LDLRAD3: variants seen among roughly 807,000 people sequenced by gnomAD.
The protein encoded by LDLRAD3 is low density lipoprotein receptor class A domain containing 3, also known as low-density lipoprotein receptor class A domain-containing protein 3.
LDLRAD3 carries 20 observed loss-of-function variants against 29.4 expected under a neutral mutation model. That is an observed-to-expected ratio of 0.68 (90% CI 0.48 to 0.99). LDLRAD3 has a LOEUF of 0.99. Among genes scored for constraint, LDLRAD3 ranks in the 50% least tolerant of loss-of-function variants. LDLRAD3 has a pLI of 0.00. For missense variants in LDLRAD3, 420 were observed against 454.3 expected, an observed-to-expected ratio of 0.92 and a Z score of 0.69; for synonymous variants, 157 against 192.7, an observed-to-expected ratio of 0.81 and a Z score of 1.53.
intron 1 of LDLRAD3, among the ~76,000 whole-genome samples, chr11:36,003,602 T>G (rs1279094492): frequency 1.3e-5 from 2 of 152,196 alleles, no homozygotes; most frequent in Admixed American, 1.3e-4. Context: ...GATTACATGA[T>G]CTCCCTTTGG....
At chr11:36,086,833 A>G (rs945639569) in intron 3 of LDLRAD3, among the ~76,000 whole-genome samples, 8 of 152,202 alleles carry the variant, frequency 5.3e-5, no homozygotes, top group African/African-American at 1.4e-4. Flanking sequence ...AGTGATATTC[A>G]GTGGGAAAGC....
intron 4 of LDLRAD3, among the ~76,000 whole-genome samples, chr11:36,118,107 T>C (rs1020901281): frequency 4.6e-5 from 7 of 152,116 alleles, no homozygotes; most frequent in African/African-American, 1.7e-4. Context: ...CATTTAATCA[T>C]AGGGTCAGGG....
intron 4 of LDLRAD3, among the ~76,000 whole-genome samples, chr11:36,147,852 C>A (rs1323082511): frequency 6.6e-6 from 1 of 151,948 alleles, no homozygotes; most frequent in Non-Finnish European, 1.5e-5. Context: ...TTCCTTTTTT[C>A]CATTAGTTGT....
intron 4 of LDLRAD3, among the ~76,000 whole-genome samples, chr11:36,169,777 G>C (rs1192022406): frequency 1.3e-5 from 2 of 152,098 alleles, no homozygotes; most frequent in Non-Finnish European, 2.9e-5. Flanking sequence ...GCATCTTTTC[G>C]GTATCCTGAT....
chr11:36,133,287 C>T (rs1053806863), intron 4 of LDLRAD3, among the ~76,000 whole-genome samples: 11 of 151,848 alleles, frequency 7.2e-5, no homozygotes, highest in Non-Finnish European at 1.6e-4. Context: ...CCTCCTGTCT[C>T]AGCCTCCCAG....
intron 1 of LDLRAD3, chr11:35,988,915 A>G (rs147520023): frequency 1.3e-5 from 2 of 152,186 alleles, no homozygotes; most frequent in African/African-American, 4.8e-5. Flanking sequence ...TTTTTGTTGC[A>G]GTTGCTTTTG....
intron 4 of LDLRAD3, among the ~76,000 whole-genome samples, chr11:36,132,322 G>C (rs1853938549): frequency 6.6e-6 from 1 of 152,140 alleles, no homozygotes; most frequent in Non-Finnish European, 1.5e-5. Context: ...TTTTGTGTGA[G>C]AGAAGAGAAA....
intron 2 of LDLRAD3, among the ~76,000 whole-genome samples, chr11:36,053,423 G>C (rs989111079): frequency 2.0e-5 from 3 of 152,222 alleles, no homozygotes; most frequent in East Asian, 1.9e-4. Context: ...AGCGCCTTAC[G>C]TGCTAATGAG....
At chr11:36,179,465 C>T (rs916147919) in intron 4 of LDLRAD3, among the ~76,000 whole-genome samples, 1 of 152,010 alleles carries the variant, frequency 6.6e-6, no homozygotes, top group Non-Finnish European at 1.5e-5. Context: ...CAGAGTGAGA[C>T]TCTGTCTCAG....
intron 4 of LDLRAD3, among the ~76,000 whole-genome samples, chr11:36,143,886 T>C (rs1041037464): frequency 6.6e-6 from 1 of 151,552 alleles, no homozygotes; most frequent in Non-Finnish European, 1.5e-5. Context: ...GCAGTCGCAT[T>C]CTAAAGTGTT....
chr11:36,024,533 A>C (rs563250742), intron 1 of LDLRAD3, among the ~76,000 whole-genome samples: 1 of 152,314 alleles, frequency 6.6e-6, no homozygotes, highest in South Asian at 2.1e-4. Context: ...TTAGAACCCA[A>C]GTCTGGCTCA....
intron 4 of LDLRAD3, among the ~76,000 whole-genome samples, chr11:36,199,940 G>C (rs770893230): frequency 6.6e-6 from 1 of 152,134 alleles, no homozygotes; most frequent in Non-Finnish European, 1.5e-5. Context: ...GCTGAGGTGG[G>C]CAGATCTCTT....
chr11:36,141,007 T>TCTCTCC (rs1294001098), intron 4 of LDLRAD3, among the ~76,000 whole-genome samples: 2 of 149,514 alleles, frequency 1.3e-5, no homozygotes, highest in African/African-American at 2.5e-5. Context: ...TCTCTCTCTC[T>TCTCTCC]CTCTCTCTCT....
intron 4 of LDLRAD3, among the ~76,000 whole-genome samples, chr11:36,151,773 C>G (rs951442258): frequency 1.3e-5 from 2 of 152,176 alleles, no homozygotes; most frequent in Non-Finnish European, 2.9e-5. Context: ...TTCTACCAAG[C>G]AGGCTAGACT....
At chr11:36,102,038 G>A (rs146178009) in intron 4 of LDLRAD3, 7,804 of 189,264 alleles carry the variant, frequency 0.041, 380 homozygotes, top group African/African-American at 0.12. Flanking sequence ...ACAGGCGCCC[G>A]CCACTACGCC....
intron 4 of LDLRAD3, among the ~76,000 whole-genome samples, chr11:36,128,715 G>T (rs899600851): frequency 6.6e-6 from 1 of 152,082 alleles, no homozygotes; most frequent in Non-Finnish European, 1.5e-5. Context: ...CTGGTGTGGT[G>T]ATAGGCACCT....
intron 4 of LDLRAD3, among the ~76,000 whole-genome samples, chr11:36,175,241 G>T (rs528481721): frequency 6.6e-6 from 1 of 152,002 alleles, no homozygotes; most frequent in South Asian, 2.1e-4. Flanking sequence ...TATTGATTTT[G>T]TTTATCTTTT....
rs569646792 is a variant in LDLRAD3 at position 36,179,369 on chromosome 11, G to A, written c.455-47716G>A. Among the ~76,000 whole-genome samples the A allele has an allele frequency of 1.7e-4, 26 of 152,296 alleles. No individual in the cohort carries two copies. The South Asian group carries it at 3.9e-3, about 23-fold the overall frequency. On this transcript the variant is annotated intron_variant, in intron 4 of 5. Transcript: ENST00000315571. ...GGTGCCTGTAATTCCAGCTACTTGA[G>A]AGGCTGAGGTAGGAGAATCACTTGA...
At chr11:36,095,590 C>T (rs949693027) in intron 3 of LDLRAD3, among the ~76,000 whole-genome samples, 8 of 152,118 alleles carry the variant, frequency 5.3e-5, no homozygotes, top group Admixed American at 5.2e-4. Context: ...CTGTGACTTG[C>T]TTTTTAAACA....
Sources: allele counts gnomAD v4.1 joint callset (sites outside exome capture counted in the v4.1 genomes callset), GRCh38; gene constraint gnomAD v4.1.1; transcripts MANE v1.5; gene names NCBI Gene and HGNC (gene_info 2026-07-23, HGNC 2026-07-21).